Variants in CC2D2B observed in about 807,000 individuals in gnomAD.
The protein encoded by CC2D2B is coiled-coil and C2 domain containing 2B.
Under a neutral mutation model 161.2 loss-of-function variants are expected in CC2D2B, and 128 were observed. The observed-to-expected ratio is 0.79, with a 90% CI of 0.69 to 0.92. The LOEUF is 0.92. Among genes scored for constraint, CC2D2B ranks in the 40% least tolerant of loss-of-function variants. The probability of loss-of-function intolerance (pLI) is 0.00; values close to 1 mark genes in which losing one functional copy is unlikely to be tolerated. For missense variants in CC2D2B, 1,173 were observed against 1,375.1 expected (o/e 0.85, Z 2.32); for synonymous variants, 391 against 449.8 (o/e 0.87, Z 1.65).
intron 22 of CC2D2B, among the ~76,000 whole-genome samples, chr10:95,994,131 T>C (rs2078133933): frequency 6.8e-6 from 1 of 147,658 alleles, no homozygotes; most frequent in Admixed American, 6.7e-5. Context: ...ACCACCAAGA[T>C]GCAGAGACCG....
intron 34 of CC2D2B, among the ~76,000 whole-genome samples, chr10:96,029,265 T>TAC (rs1564689070): frequency 2.9e-4 from 22 of 76,806 alleles, no homozygotes; most frequent in Non-Finnish European, 3.1e-4. Context: ...TATATATATA[T>TAC]ATATATATAT....
Position 96,032,077 on chromosome 10 carries a change from C to T in CC2D2B, c.*69C>T. On this transcript the variant is annotated 3_prime_UTR_variant, in exon 35 of 35. Coordinates refer to ENST00000646931, the MANE Select transcript of CC2D2B (RefSeq NM_001349008.3). ...GTACCAACAAAAACTTTTCTGGTAC[C>T]TTGAGATTTTGCTGTTTATTCTCAA... The T allele has an allele frequency of 8.1e-7, 1 of 1,232,098 alleles. No individual in the cohort carries two copies. Among genetic ancestry groups the T allele is most frequent in the East Asian group, 2.5e-5 (1 of 39,974 alleles). 76.3% of individuals were successfully genotyped at this position (1,232,098 alleles called of 1,614,324 possible). A position where few individuals can be genotyped will look rare whatever the true frequency, so the allele number is the denominator to read the frequency against.
chr10:95,931,013 C>T (rs1040124913), intron 6 of CC2D2B, among the ~76,000 whole-genome samples: 1 of 152,072 alleles, frequency 6.6e-6, no homozygotes, highest in African/African-American at 2.4e-5. Flanking sequence ...TCTGTCTGGT[C>T]CTGGGCTTTT....
chr10:96,025,192 AAT>A (rs10524712), intron 33 of CC2D2B, among the ~76,000 whole-genome samples: 1,988 of 49,038 alleles, frequency 0.041, 75 homozygotes, highest in Non-Finnish European at 0.054. Flanking sequence ...TATAAAAAAA[AAT>A]ATATATATAT....
chr10:95,930,961 T>G (rs1353900178), intron 6 of CC2D2B, among the ~76,000 whole-genome samples: 1 of 152,234 alleles, frequency 6.6e-6, no homozygotes, highest in South Asian at 2.1e-4. Context: ...GAGGGAATGA[T>G]ATCAGCTCCT....
intron 26 of CC2D2B, among the ~76,000 whole-genome samples, chr10:96,010,291 T>C (rs1258405866): frequency 6.6e-6 from 1 of 152,184 alleles, no homozygotes; most frequent in East Asian, 1.9e-4. Context: ...GTAAGACCTA[T>C]GATTTGCACT....
At chr10:95,995,891 G>T (rs1043524228) in intron 23 of CC2D2B, among the ~76,000 whole-genome samples, 3 of 152,018 alleles carry the variant, frequency 2.0e-5, no homozygotes, top group Admixed American at 2.0e-4. Context: ...GCACTTGTTT[G>T]TTTACCTGTA....
intron 9 of CC2D2B, among the ~76,000 whole-genome samples, chr10:95,949,457 T>G (rs1357175602): frequency 2.1e-5 from 2 of 93,708 alleles, no homozygotes; most frequent in Non-Finnish European, 4.2e-5. Flanking sequence ...AATTGAACAA[T>G]GAGATCACAT....
At chr10:95,996,424 T>G (rs533600287) in intron 24 of CC2D2B, among the ~76,000 whole-genome samples, 172 bp downstream of exon 24, 1 of 152,298 alleles carries the variant, frequency 6.6e-6, no homozygotes, top group South Asian at 2.1e-4. Context: ...TAGCATAATA[T>G]ATAATCTATA....
intron 14 of CC2D2B, among the ~76,000 whole-genome samples, chr10:95,968,162 C>T (rs2077007929): frequency 6.6e-6 from 1 of 152,134 alleles, no homozygotes; most frequent in African/African-American, 2.4e-5. Context: ...GGGTGGCCTC[C>T]CCACTGTCCT....
chr10:95,982,779 G>T (rs1473960775), intron 18 of CC2D2B, among the ~76,000 whole-genome samples: 2 of 151,808 alleles, frequency 1.3e-5, no homozygotes, highest in African/African-American at 4.8e-5. Context: ...TGTTATTGTT[G>T]TTTGTTTTTT....
intron 20 of CC2D2B, among the ~76,000 whole-genome samples, chr10:95,989,951 A>ATT (rs2077884991): frequency 6.6e-6 from 1 of 152,164 alleles, no homozygotes; most frequent in African/African-American, 2.4e-5. Context: ...TGTGCATTAC[A>ATT]TTTCCTGCTG....
chr10:95,992,556 T>C lies in CC2D2B; in HGVS notation c.2501T>C (p.Val834Ala), dbSNP rs200201751. ...SQLTDAVCKF[V>A]EPRRKLKPQR... The stretch of plus-strand genomic sequence containing the variant: ...TTGACAGATGCAGTTTGTAAGTTTG[T>C]TGAACCACGGAGAAAGTTAAAACCT... Residue 834 changes from valine (V) to alanine (A), a missense_variant, in exon 22 of 35, where the codon GTT (valine) becomes GCT (alanine). This residue lies in a region of CC2D2B where 598 missense variants were observed against 693.2 expected (regional missense o/e 0.86). Transcript: ENST00000646931. 2 of 1,234,252 alleles carry C rather than the reference T, an allele frequency of 1.6e-6. No homozygotes were observed. Among genetic ancestry groups the C allele is most frequent in the Non-Finnish European group, 2.0e-6 (2 of 988,076 alleles). The allele number at this position is 1,234,252 out of a possible 1,614,324, so 76.5% of individuals were successfully genotyped here.
chr10:95,918,661 A>G (rs1213150405), intron 2 of CC2D2B, among the ~76,000 whole-genome samples: 1 of 152,142 alleles, frequency 6.6e-6, no homozygotes, highest in Non-Finnish European at 1.5e-5. Flanking sequence ...ATCTTTCTCT[A>G]GGTTGGAAAG....
chr10:95,975,277 A>G (rs2077273325), intron 17 of CC2D2B, among the ~76,000 whole-genome samples: 1 of 152,242 alleles, frequency 6.6e-6, no homozygotes, highest in Admixed American at 6.5e-5. Context: ...AGAACATTAT[A>G]TATAAAAACC....
intron 15 of CC2D2B, among the ~76,000 whole-genome samples, chr10:95,969,813 T>TA (rs774583659): frequency 2.0e-5 from 3 of 152,040 alleles, no homozygotes; most frequent in Non-Finnish European, 2.9e-5. Context: ...AATTGTGATA[T>TA]AATAATCCAA....
At chr10:95,981,297 C>T (rs543201476) in intron 17 of CC2D2B, among the ~76,000 whole-genome samples, 11 of 148,930 alleles carry the variant, frequency 7.4e-5, no homozygotes, top group African/African-American at 2.7e-4. Context: ...GAGGCTGAGG[C>T]ATGAGAATCG....
rs752979493 is a variant in CC2D2B, at chr10:96,019,702, G to A, written c.3766G>A (p.Val1256Ile). Residue 1256 changes from valine (V) to isoleucine (I), a missense_variant and splice_region_variant, in exon 32 of 35, where the codon GTC becomes ATC. Physicochemically the swap from Val to Ile is conservative, Grantham distance 29. Around this residue, in one of 3 missense-constraint regions of CC2D2B, gnomAD observed 598 missense variants for 693.2 expected, o/e 0.86. Transcript: ENST00000646931. ...SVDCLFDDRN[V>I]WFNIQQNNTP... ...TAATGTTATATTAATGTTTTCATAGGTCTGGTTTAATATTCAACAAAATAA... is the reference window on the plus strand; with the variant it reads ...TAATGTTATATTAATGTTTTCATAGATCTGGTTTAATATTCAACAAAATAA... 6.3e-7 allele frequency: 1 copy of A among 1,575,866 alleles called. No homozygotes were observed. The highest frequency in any genetic ancestry group is 1.2e-5 in the South Asian group (1 of 84,040).
rs563856641 is a variant in CC2D2B at position 95,925,457 on chromosome 10, CA to C, written c.240+615del. Among the ~76,000 whole-genome samples, 24 of 152,296 alleles carry C rather than the reference CA, an allele frequency of 1.6e-4. 1 individual carries two copies. In the South Asian group the frequency reaches 4.3e-3, roughly 28 times the overall value. On this transcript the variant is annotated intron_variant, in intron 5 of 34. Coordinates refer to ENST00000646931, the MANE Select transcript of CC2D2B (RefSeq NM_001349008.3). ...ATAGCCTCCCAATTAATTATTTTAA[CA>C]ATGTTATAGGTGATATCCAACTTAC...
Sources: allele counts gnomAD v4.1 joint callset (sites outside exome capture counted in the v4.1 genomes callset), GRCh38; gene constraint gnomAD v4.1.1; regional missense constraint gnomAD v4.1.1; transcripts MANE v1.5; gene names NCBI Gene and HGNC (gene_info 2026-07-23, HGNC 2026-07-21).